The following MYLK variants were observed in gnomAD, a reference collection of about 807,000 sequenced individuals.
MYLK encodes myosin light chain kinase, smooth muscle.
A neutral mutation model predicts 203.4 loss-of-function variants in MYLK; 106 were observed. The ratio of observed to expected loss-of-function variants is 0.52; its 90% confidence interval spans 0.45 to 0.61. The LOEUF (loss-of-function observed/expected upper bound fraction) is 0.61. MYLK is among the 20% of genes least tolerant of loss of function. MYLK has a pLI of 0.00. For synonymous variants in MYLK, 867 were observed against 959.5 expected (o/e 0.90, Z 1.78); for missense variants, 2,072 against 2,442.3 (o/e 0.85, Z 3.20).
intron 3 of MYLK, among the ~76,000 whole-genome samples, chr3:123,811,315 G>A (rs982174935): frequency 6.6e-6 from 1 of 152,154 alleles, no homozygotes; most frequent in East Asian, 1.9e-4. Flanking sequence ...GGCCAACAGG[G>A]AGATCAATGG....
At chr3:123,621,510 T>G (rs561368573) in intron 31 of MYLK, 6 of 152,356 alleles carry the variant, frequency 3.9e-5, no homozygotes, top group Admixed American at 1.3e-4. Flanking sequence ...AGTACTTCAG[T>G]AAAGCCTCAC....
At chr3:123,818,052 A>C (rs2065806435) in intron 3 of MYLK, among the ~76,000 whole-genome samples, 1 of 152,126 alleles carries the variant, frequency 6.6e-6, no homozygotes, top group Non-Finnish European at 1.5e-5. Flanking sequence ...GAGCCCAGAC[A>C]GCACATCTTT....
At chr3:123,714,746 C>T (rs1431921836) in intron 13 of MYLK, among the ~76,000 whole-genome samples, 1 of 152,262 alleles carries the variant, frequency 6.6e-6, no homozygotes, top group African/African-American at 2.4e-5. Context: ...ATCTAAAGTG[C>T]ATTTATCTGT....
intron 4 of MYLK, among the ~76,000 whole-genome samples, chr3:123,760,061 G>T (rs984084638): frequency 2.0e-5 from 3 of 152,336 alleles, no homozygotes; most frequent in Admixed American, 2.0e-4. Flanking sequence ...GATGTGGGCT[G>T]CATCAATCAT....
intron 8 of MYLK, among the ~76,000 whole-genome samples, chr3:123,737,025 C>T (rs766647792): frequency 1.3e-5 from 2 of 151,558 alleles, no homozygotes; most frequent in Admixed American, 6.6e-5. Flanking sequence ...TTGAGGTCAG[C>T]CTGGCCAACA....
chr3:123,728,937 C>T (rs937267843), intron 11 of MYLK, among the ~76,000 whole-genome samples: 3 of 152,124 alleles, frequency 2.0e-5, no homozygotes, highest in Non-Finnish European at 4.4e-5. Flanking sequence ...AATTGTTTAA[C>T]ATTATAGCTA....
intron 16 of MYLK, among the ~76,000 whole-genome samples, chr3:123,703,953 G>T (rs1202452310): frequency 6.6e-6 from 1 of 152,248 alleles, no homozygotes; most frequent in Non-Finnish European, 1.5e-5. Context: ...GGCTTTGGTG[G>T]TGGACAGCCC....
At chr3:123,649,929 G>A (rs1482110340) in intron 24 of MYLK, among the ~76,000 whole-genome samples, 1 of 152,198 alleles carries the variant, frequency 6.6e-6, no homozygotes, top group Non-Finnish European at 1.5e-5. Context: ...CAATGAAGGC[G>A]TGAGTGATGT....
At chr3:123,760,093 G>C (rs1384941878) in intron 4 of MYLK, among the ~76,000 whole-genome samples, 2 of 152,224 alleles carry the variant, frequency 1.3e-5, no homozygotes, top group Non-Finnish European at 2.9e-5. Flanking sequence ...CATTGAGCAA[G>C]TTACTTATTT....
intron 2 of MYLK, among the ~76,000 whole-genome samples, chr3:123,867,150 C>A (rs1194040854): frequency 6.6e-6 from 1 of 152,046 alleles, no homozygotes; most frequent in African/African-American, 2.4e-5. Flanking sequence ...TCCAGCATTC[C>A]CACCAGTGAC....
At chr3:123,821,641 C>G (rs1009536347) in intron 3 of MYLK, among the ~76,000 whole-genome samples, 1 of 152,138 alleles carries the variant, frequency 6.6e-6, no homozygotes, top group African/African-American at 2.4e-5. Flanking sequence ...CCTGCCTCCC[C>G]CAAGATGGCT....
chr3:123,727,610 A>T (rs1261553371), intron 11 of MYLK, among the ~76,000 whole-genome samples: 1 of 152,176 alleles, frequency 6.6e-6, no homozygotes, highest in Non-Finnish European at 1.5e-5. Flanking sequence ...GTTATTATCA[A>T]GTAGAAGCTG....
intron 23 of MYLK, among the ~76,000 whole-genome samples, chr3:123,657,912 C>T (rs2059441475): frequency 6.6e-6 from 1 of 152,196 alleles, no homozygotes; most frequent in Non-Finnish European, 1.5e-5. Flanking sequence ...ATGCCTGCCC[C>T]ACCAAGGGGT....
At chr3:123,709,317 T>G (rs1288064639) in intron 14 of MYLK, 1 of 236,024 alleles carries the variant, frequency 4.2e-6, no homozygotes, top group Non-Finnish European at 8.4e-6. Context: ...ATTTTTTGTA[T>G]TTTTTAGTAG....
chr3:123,880,393 C>A (rs552456476), intron 1 of MYLK, among the ~76,000 whole-genome samples: 1 of 152,038 alleles, frequency 6.6e-6, no homozygotes, highest in Admixed American at 6.5e-5. Context: ...TTCGGTTCCC[C>A]CAAAGATTAT....
At chr3:123,624,400 C>T (rs2058036257) in intron 31 of MYLK, 1 of 151,932 alleles carries the variant, frequency 6.6e-6, no homozygotes, top group South Asian at 2.1e-4. Context: ...TTTGCCTCCT[C>T]TCCTGTTTCC....
At chr3:123,731,413 A>G (rs1182346688) in intron 11 of MYLK, among the ~76,000 whole-genome samples, 1 of 152,186 alleles carries the variant, frequency 6.6e-6, no homozygotes, top group Non-Finnish European at 1.5e-5. Flanking sequence ...GCATGTGTGT[A>G]CACAGATCTT....
At chr3:123,618,802 C>T (rs748326033) in intron 32 of MYLK, 32 bp from the exon 33 acceptor site, 1 of 1,613,568 alleles carries the variant, frequency 6.2e-7, no homozygotes, top group Non-Finnish European at 8.5e-7. Flanking sequence ...CAGGTCATTT[C>T]TTCACTCGTT....
chr3:123,688,234 C>T (rs895339155), intron 19 of MYLK, among the ~76,000 whole-genome samples: 3 of 152,090 alleles, frequency 2.0e-5, no homozygotes, highest in Non-Finnish European at 4.4e-5. Flanking sequence ...CTGACCTCCC[C>T]CTCAACTCCA....
Sources: gnomAD v4.1 joint callset for allele counts (sites outside exome capture counted in the v4.1 genomes callset) on GRCh38, gnomAD v4.1.1 for gene constraint, MANE v1.5 for transcripts, NCBI Gene and HGNC (gene_info 2026-07-23, HGNC 2026-07-21) for gene names.